The following PPP1R9A variants were observed in gnomAD, a reference collection of about 807,000 sequenced individuals.
The protein encoded by PPP1R9A is protein phosphatase 1 regulatory subunit 9A, also known as neurabin-1.
Under a neutral mutation model 141.9 loss-of-function variants are expected in PPP1R9A, and 59 were observed. That is an observed-to-expected ratio of 0.42 (90% CI 0.34 to 0.52). The LOEUF (loss-of-function observed/expected upper bound fraction) is 0.52, where lower values mean the gene tolerates loss of function less well. Ranked by LOEUF, PPP1R9A falls within the 20% of genes least tolerant of loss-of-function variation. The pLI is 0.10. For synonymous variants in PPP1R9A, 500 were observed against 569.7 expected, an observed-to-expected ratio of 0.88 and a Z score of 1.74; for missense variants, 1,444 against 1,611.9, an observed-to-expected ratio of 0.90 and a Z score of 1.78.
At chr7:95,077,699 A>G (rs1196336415) in intron 2 of PPP1R9A, among the ~76,000 whole-genome samples, 1 of 152,228 alleles carries the variant, frequency 6.6e-6, no homozygotes, top group Non-Finnish European at 1.5e-5. Flanking sequence ...AAATAATGGT[A>G]AATCTCAAAG....
rs140001783 is a variant in PPP1R9A at position 95,129,042 on chromosome 7, G to A, written c.1649+8210G>A. On this transcript the variant is annotated intron_variant, in intron 4 of 19. Transcript: ENST00000433360. ...AATTTTTATATACAGTGAAAGCTAG[G>A]GGTCCAGTTGCATTCTTCTGAGCAT... Among the ~76,000 whole-genome samples the A allele has an allele frequency of 2.7e-4, 41 of 152,204 alleles. No individual in the cohort carries two copies. In the East Asian group the frequency reaches 7.7e-3, roughly 29 times the overall value.
rs36077129 is a variant in PPP1R9A at position 95,073,624 on chromosome 7, GTTTTTTTTT to G, written c.1396-37621_1396-37613del. ...TCAATGCAATACCTGAAAGAAATAA[GTTTTTTTTT>G]TTTTTTTTTTTTTGTCAAGGCTCAC... On this transcript the variant is annotated intron_variant, in intron 2 of 19. Coordinates refer to ENST00000433360, the MANE Select transcript of PPP1R9A (RefSeq NM_001166160.2). Among the ~76,000 whole-genome samples, 507 of 105,584 alleles carry G rather than the reference GTTTTTTTTT, an allele frequency of 4.8e-3. 6 individuals carry two copies. The highest frequency in any genetic ancestry group is 0.016 in the African/African-American group (442 of 28,406). 69.3% of individuals were successfully genotyped at this position (105,584 alleles called of 152,430 possible).
intron 2 of PPP1R9A, among the ~76,000 whole-genome samples, chr7:94,974,662 G>C (rs181749513): frequency 1.3e-5 from 2 of 152,082 alleles, no homozygotes; most frequent in Non-Finnish European, 2.9e-5. Context: ...AAACATTGAC[G>C]CTTCTTGTTT....
intron 8 of PPP1R9A, among the ~76,000 whole-genome samples, chr7:95,240,434 C>G (rs1051275013): frequency 2.6e-5 from 4 of 151,596 alleles, no homozygotes; most frequent in Admixed American, 1.3e-4. Context: ...TCTAGAAATA[C>G]TGTCATCAGT....
chr7:94,996,867 A>G (rs1353173973), intron 2 of PPP1R9A, among the ~76,000 whole-genome samples: 2 of 146,866 alleles, frequency 1.4e-5, no homozygotes, highest in Non-Finnish European at 3.0e-5. Flanking sequence ...CAATGGCACA[A>G]TTGCAGCTCA....
In PPP1R9A at chr7:94,974,611, C is replaced by T. The variant is rs564322105; in HGVS notation, c.1395+63103C>T. Among the ~76,000 whole-genome samples the T allele has an allele frequency of 4.6e-5, 7 of 152,254 alleles. No individual in the cohort carries two copies. The South Asian group carries it at 1.0e-3, about 23-fold the overall frequency. ...GGGCAGTGATGGGTCTCTTTAGTTA[C>T]GTCAGGTCAACACAGTTTCATTCTT... On this transcript the variant is annotated intron_variant, in intron 2 of 19. Transcript: ENST00000433360.
intron 2 of PPP1R9A, among the ~76,000 whole-genome samples, chr7:94,998,381 G>T (rs911681927): frequency 1.3e-5 from 2 of 152,112 alleles, no homozygotes; most frequent in Non-Finnish European, 2.9e-5. Context: ...ACTTCTAGAA[G>T]GGTCAAATGT....
At chr7:94,955,359 T>C (rs1796972560) in intron 2 of PPP1R9A, among the ~76,000 whole-genome samples, 2 of 152,188 alleles carry the variant, frequency 1.3e-5, no homozygotes, top group East Asian at 3.9e-4. Context: ...TATCTATTGC[T>C]TTGTTTTATC....
intron 6 of PPP1R9A, among the ~76,000 whole-genome samples, chr7:95,200,878 G>GT (rs899646718): frequency 2.0e-5 from 3 of 152,136 alleles, no homozygotes; most frequent in African/African-American, 7.2e-5. Context: ...AGCAACTGAG[G>GT]TTTTTTTCTA....
intron 2 of PPP1R9A, among the ~76,000 whole-genome samples, chr7:94,917,890 A>C (rs963044247): frequency 1.3e-5 from 2 of 152,178 alleles, no homozygotes; most frequent in Non-Finnish European, 2.9e-5. Context: ...ATTACAAGTA[A>C]TTTGATTGAA....
chr7:94,952,524 T>G (rs1028456481), intron 2 of PPP1R9A, among the ~76,000 whole-genome samples: 15 of 152,314 alleles, frequency 9.8e-5, no homozygotes, highest in African/African-American at 3.6e-4. Flanking sequence ...CCTTGAGGAA[T>G]TGCCACACTG....
At chr7:95,214,677 C>T (rs1443641045) in intron 7 of PPP1R9A, among the ~76,000 whole-genome samples, 1 of 151,990 alleles carries the variant, frequency 6.6e-6, no homozygotes, top group Non-Finnish European at 1.5e-5. Flanking sequence ...GAGTCTGCCT[C>T]CTATAGTAGG....
At chr7:95,146,135 A>G (rs368717002) in intron 4 of PPP1R9A, among the ~76,000 whole-genome samples, 2 of 152,138 alleles carry the variant, frequency 1.3e-5, no homozygotes, top group Non-Finnish European at 1.5e-5. Flanking sequence ...AAGCATTCCT[A>G]TTTCTCCACA....
At chr7:95,274,368 T>C (rs538182921) in intron 16 of PPP1R9A, among the ~76,000 whole-genome samples, 200 bp downstream of exon 16, 1 of 152,360 alleles carries the variant, frequency 6.6e-6, no homozygotes, top group East Asian at 1.9e-4. Context: ...GGCATATCCA[T>C]TGGTTCTTAA....
intron 2 of PPP1R9A, among the ~76,000 whole-genome samples, chr7:95,025,194 G>A (rs530804037): frequency 6.6e-6 from 1 of 151,968 alleles, no homozygotes; most frequent in African/African-American, 2.4e-5. Context: ...AGCCTCCCGA[G>A]TAGTTGAGAT....
chr7:94,919,612 A>G (rs1260206175), intron 2 of PPP1R9A, among the ~76,000 whole-genome samples: 1 of 151,990 alleles, frequency 6.6e-6, no homozygotes. Context: ...CTTTGATTGG[A>G]ATTGTTCACG....
intron 2 of PPP1R9A, among the ~76,000 whole-genome samples, chr7:94,996,599 T>A (rs1260421873): frequency 2.0e-5 from 3 of 152,174 alleles, no homozygotes; most frequent in Non-Finnish European, 4.4e-5. Context: ...TATTGGCCAC[T>A]GTTTCCTCAA....
intron 5 of PPP1R9A, among the ~76,000 whole-genome samples, chr7:95,187,832 G>T (rs556603643): frequency 1.3e-5 from 2 of 151,810 alleles, no homozygotes; most frequent in African/African-American, 4.8e-5. Flanking sequence ...TTTTTGAGTC[G>T]ATTTCCAGTT....
chr7:95,047,642 T>G (rs1810210058), intron 2 of PPP1R9A, among the ~76,000 whole-genome samples: 1 of 152,202 alleles, frequency 6.6e-6, no homozygotes, highest in African/African-American at 2.4e-5. Flanking sequence ...AGAATTTTCT[T>G]GATTTCACCA....
Sources: gnomAD v4.1 joint callset for allele counts (sites outside exome capture counted in the v4.1 genomes callset) on GRCh38, gnomAD v4.1.1 for gene constraint, MANE v1.5 for transcripts, NCBI Gene and HGNC (gene_info 2026-07-23, HGNC 2026-07-21) for gene names.